The following MTBP variants were observed in gnomAD, a reference collection of about 807,000 sequenced individuals.
MTBP encodes the protein mdm2-binding protein.
A neutral mutation model predicts 117.0 loss-of-function variants in MTBP; 101 were observed. That is an observed-to-expected ratio of 0.86 (90% confidence interval 0.73 to 1.02). The LOEUF is 1.02. Among genes scored for constraint, MTBP ranks in the 50% least tolerant of loss-of-function variants. The pLI is 0.00. For missense variants in MTBP, 970 were observed against 1,030.9 expected, an observed-to-expected ratio of 0.94 and a Z score of 0.81; for synonymous variants, 350 against 351.5, an observed-to-expected ratio of 1.00 and a Z score of 0.05.
chr8:120,486,697 C>T (rs868455895), intron 11 of MTBP, among the ~76,000 whole-genome samples: 2 of 152,046 alleles, frequency 1.3e-5, no homozygotes, highest in South Asian at 4.1e-4. Flanking sequence ...GCCACAGCCG[C>T]TTGGATTGGA....
intron 10 of MTBP, among the ~76,000 whole-genome samples, chr8:120,469,426 A>G (rs1339810254): frequency 6.6e-6 from 1 of 152,182 alleles, no homozygotes; most frequent in Non-Finnish European, 1.5e-5. Context: ...CTTCTTGTGT[A>G]GTTGCAAGAG....
chr8:120,470,988 T>C, intron 11 of MTBP, 51 bp downstream of exon 11: 1 of 1,225,464 alleles, frequency 8.2e-7, no homozygotes, highest in Non-Finnish European at 1.2e-6. Flanking sequence ...AGTTAATGTA[T>C]GTATCAAATT....
chr8:120,514,540 T>C (rs1814881590), intron 17 of MTBP, among the ~76,000 whole-genome samples: 1 of 152,072 alleles, frequency 6.6e-6, no homozygotes. Flanking sequence ...CAGATGGTTC[T>C]AATGCTCAGC....
intron 15 of MTBP, among the ~76,000 whole-genome samples, chr8:120,503,969 A>G (rs755071702): frequency 3.9e-5 from 6 of 152,092 alleles, no homozygotes; most frequent in Non-Finnish European, 8.8e-5. Context: ...TTGGGGAGAA[A>G]AAGTCAAGAA....
chr8:120,454,362 A>AT (rs1448754666), intron 5 of MTBP, among the ~76,000 whole-genome samples: 2 of 152,016 alleles, frequency 1.3e-5, no homozygotes, highest in Non-Finnish European at 2.9e-5. Flanking sequence ...TTTCCTCAGC[A>AT]TTTTTTTATA....
chr8:120,475,114 T>C (rs1158259144), intron 11 of MTBP, among the ~76,000 whole-genome samples: 1 of 151,244 alleles, frequency 6.6e-6, no homozygotes, highest in Non-Finnish European at 1.5e-5. Context: ...ACAGGTTTAG[T>C]TTTTCCCCCA....
At chr8:120,511,376 A>G (rs868455577) in intron 17 of MTBP, among the ~76,000 whole-genome samples, 1 of 152,150 alleles carries the variant, frequency 6.6e-6, no homozygotes, top group Non-Finnish European at 1.5e-5. Context: ...GCTCACTGCA[A>G]CCTCCGTTTC....
chr8:120,520,741 G>A (rs997503857), intron 20 of MTBP, among the ~76,000 whole-genome samples: 25 of 151,900 alleles, frequency 1.6e-4, no homozygotes, highest in African/African-American at 5.8e-4. Flanking sequence ...CTAGAAGATA[G>A]TAGAAAAGTA....
intron 13 of MTBP, among the ~76,000 whole-genome samples, chr8:120,497,058 C>A (rs1586963197): frequency 2.0e-5 from 3 of 152,212 alleles, no homozygotes; most frequent in African/African-American, 7.2e-5. Context: ...CCATATTTAA[C>A]TGAAAGTCTA....
intron 4 of MTBP, 97 bp downstream of exon 4, chr8:120,451,419 A>G (rs1563782759): frequency 9.5e-7 from 1 of 1,057,608 alleles, no homozygotes; most frequent in Non-Finnish European, 1.4e-6. Flanking sequence ...TAGCATCTTT[A>G]CTGAAGAAAC....
chr8:120,488,649 G>T (rs542334277), intron 12 of MTBP, among the ~76,000 whole-genome samples: 8 of 151,710 alleles, frequency 5.3e-5, no homozygotes, highest in African/African-American at 1.7e-4. Context: ...CATTTATATC[G>T]TCTGAAGCCA....
At position 120,523,172 on chromosome 8, in the gene MTBP, G is replaced by A. The variant is rs1050835334; in HGVS notation, c.2677-126G>A. On this transcript the variant is annotated intron_variant, in intron 21 of 21. Transcript: ENST00000305949. ...AAATAAAATGTGTATTTAAGTATAA[G>A]ATTTCAGTATCTTCCTTTTTATTTG... 5.5e-5 allele frequency: 37 copies of A among 672,244 alleles called. No homozygotes were observed. The Admixed American group carries it at 8.9e-4, about 16-fold the overall frequency. The allele number at this position is 672,244 out of a possible 1,614,324, so 41.6% of individuals were successfully genotyped here.
At chr8:120,464,084 C>A (rs1313494057) in intron 10 of MTBP, among the ~76,000 whole-genome samples, 1 of 151,944 alleles carries the variant, frequency 6.6e-6, no homozygotes, top group Non-Finnish European at 1.5e-5. Flanking sequence ...CATGCGATTT[C>A]AATTTTATGA....
At chr8:120,457,824 T>A (rs1451789476) in intron 7 of MTBP, among the ~76,000 whole-genome samples, 1 of 151,522 alleles carries the variant, frequency 6.6e-6, no homozygotes, top group African/African-American at 2.4e-5. Flanking sequence ...CTCAAGAGGC[T>A]GGGACTCTTG....
At chr8:120,496,337 C>G (rs1042682931) in intron 13 of MTBP, among the ~76,000 whole-genome samples, 2 of 152,154 alleles carry the variant, frequency 1.3e-5, no homozygotes, top group African/African-American at 4.8e-5. Context: ...TGCCTCTCCC[C>G]CTCAACACCT....
chr8:120,463,561 A>T, intron 9 of MTBP, 131 bp from the exon 10 acceptor site: 1 of 660,754 alleles, frequency 1.5e-6, no homozygotes, highest in Non-Finnish European at 2.5e-6. Flanking sequence ...CGTAATTGTT[A>T]ACTGCTACAG....
In MTBP at chr8:120,445,595, G is replaced by A; in HGVS notation, c.118+7G>A. ...GGTACTGAGAATCAGCCGGGTAAGC[G>A]CTGGGATGAGAAAGAGCGGGAACGG... On this transcript the variant is annotated splice_region_variant and intron_variant, in intron 1 of 21. Transcript: ENST00000305949. The A allele has an allele frequency of 1.3e-6, 2 of 1,595,390 alleles. No homozygotes were observed. Among genetic ancestry groups the A allele is most frequent in the Non-Finnish European group, 1.7e-6 (2 of 1,171,588 alleles).
Position 120,459,213 on chromosome 8 carries a change from A to G in MTBP, c.748-2A>G. On this transcript the variant is annotated splice_acceptor_variant, in intron 7 of 21. Coordinates refer to ENST00000305949, the MANE Select transcript of MTBP (RefSeq NM_022045.5). LOFTEE classifies it high-confidence loss of function. ...AACTGTGTTTTCTTGGTCTCTTTTC[A>G]GTTTGGATTTGAAATTAGTTTTCCT... 3 of 1,605,570 alleles carry G rather than the reference A, an allele frequency of 1.9e-6. No individual in the cohort carries two copies. Among genetic ancestry groups the G allele is most frequent in the Non-Finnish European group, 2.6e-6 (3 of 1,174,832 alleles).
intron 7 of MTBP, 28 bp downstream of exon 7, chr8:120,456,698 G>A (rs1256843535): frequency 8.5e-7 from 1 of 1,174,028 alleles, no homozygotes; most frequent in Non-Finnish European, 1.3e-6. Context: ...AGTTTGCCAA[G>A]TAGGCCTTTC....
Sources: gnomAD v4.1 joint callset for allele counts (sites outside exome capture counted in the v4.1 genomes callset) on GRCh38, gnomAD v4.1.1 for gene constraint, MANE v1.5 for transcripts, NCBI Gene and HGNC (gene_info 2026-07-23, HGNC 2026-07-21) for gene names.